ADGRL3: variants seen among roughly 807,000 people sequenced by gnomAD.
ADGRL3 encodes the protein calcium-independent alpha-latrotoxin receptor 3.
A neutral mutation model predicts 153.5 loss-of-function variants in ADGRL3; 62 were observed. The ratio of observed to expected loss-of-function variants is 0.40; its 90% CI spans 0.33 to 0.50. ADGRL3 has a LOEUF of 0.50. ADGRL3 is among the 20% of genes least tolerant of loss of function. The pLI is 0.47. For synonymous variants in ADGRL3, 710 were observed against 672.5 expected, an observed-to-expected ratio of 1.06 and a Z score of -0.86; for missense variants, 1,641 against 1,859.4, an observed-to-expected ratio of 0.88 and a Z score of 2.16.
intron 5 of ADGRL3, among the ~76,000 whole-genome samples, chr4:61,659,723 T>G (rs956504824): frequency 3.3e-5 from 5 of 152,058 alleles, no homozygotes; most frequent in Admixed American, 2.0e-4. Flanking sequence ...TTCATGCATA[T>G]CTATAAAATA....
intron 6 of ADGRL3, among the ~76,000 whole-genome samples, chr4:61,704,585 G>T (rs7667611): frequency 1.2e-4 from 18 of 151,940 alleles, no homozygotes; most frequent in Admixed American, 3.3e-4. Flanking sequence ...GAATGACTGT[G>T]GTAATTTCTT....
chr4:61,706,614 G>T (rs2095862517), intron 6 of ADGRL3, among the ~76,000 whole-genome samples: 1 of 151,962 alleles, frequency 6.6e-6, no homozygotes, highest in Non-Finnish European at 1.5e-5. Flanking sequence ...AACCTCATGA[G>T]CCAACTGTCT....
intron 13 of ADGRL3, among the ~76,000 whole-genome samples, chr4:61,914,921 C>G (rs2098738267): frequency 6.6e-6 from 1 of 152,004 alleles, no homozygotes; most frequent in African/African-American, 2.4e-5. Context: ...CTCATCAATT[C>G]TTATTACTTT....
intron 1 of ADGRL3, among the ~76,000 whole-genome samples, chr4:61,372,463 C>T (rs2096545748): frequency 6.6e-6 from 1 of 152,224 alleles, no homozygotes; most frequent in South Asian, 2.1e-4. Context: ...GGACCCTCAG[C>T]TGCAGGTCTG....
chr4:61,391,224 CAG>C (rs2096798045), intron 2 of ADGRL3, among the ~76,000 whole-genome samples: 1 of 152,090 alleles, frequency 6.6e-6, no homozygotes, highest in African/African-American at 2.4e-5. Context: ...CTGGGGGCCT[CAG>C]GGAATTTACT....
At chr4:61,881,074 A>T (rs890687524) in intron 9 of ADGRL3, among the ~76,000 whole-genome samples, 1 of 152,168 alleles carries the variant, frequency 6.6e-6, no homozygotes, top group African/African-American at 2.4e-5. Flanking sequence ...AAAAATCAAT[A>T]CTAAAATTTT....
At chr4:61,254,953 C>A (rs2091817042) in intron 1 of ADGRL3, among the ~76,000 whole-genome samples, 1 of 151,988 alleles carries the variant, frequency 6.6e-6, no homozygotes. Flanking sequence ...ATTCTTATGT[C>A]TTTTAATTTT....
chr4:61,367,233 T>A (rs952266366), intron 1 of ADGRL3, among the ~76,000 whole-genome samples: 7 of 152,046 alleles, frequency 4.6e-5, no homozygotes, highest in Non-Finnish European at 1.0e-4. Flanking sequence ...TGTCGCTTTT[T>A]TTTTTATTTT....
chr4:61,865,341 T>TG (rs34077031), intron 9 of ADGRL3, among the ~76,000 whole-genome samples: 1 of 152,050 alleles, frequency 6.6e-6, no homozygotes, highest in Non-Finnish European at 1.5e-5. Context: ...TTGAAGCTTG[T>TG]GGGGGTGTCA....
intron 4 of ADGRL3, among the ~76,000 whole-genome samples, chr4:61,568,857 A>C (rs1579585835): frequency 6.6e-6 from 1 of 151,960 alleles, no homozygotes; most frequent in East Asian, 1.9e-4. Flanking sequence ...CCTCAAATTT[A>C]ATCTAATCGT....
At chr4:61,403,990 A>T (rs896363534) in intron 2 of ADGRL3, among the ~76,000 whole-genome samples, 5 of 152,008 alleles carry the variant, frequency 3.3e-5, no homozygotes, top group Non-Finnish European at 7.4e-5. Context: ...TAGAGGCTTC[A>T]TCTTTAAATA....
intron 1 of ADGRL3, among the ~76,000 whole-genome samples, chr4:61,228,266 A>G (rs946075292): frequency 1.3e-5 from 2 of 152,168 alleles, no homozygotes; most frequent in Non-Finnish European, 2.9e-5. Flanking sequence ...TCTGAAGTAC[A>G]TTTTTGAATG....
intron 1 of ADGRL3, among the ~76,000 whole-genome samples, chr4:61,231,612 G>A (rs753306710): frequency 1.3e-5 from 2 of 152,024 alleles, no homozygotes; most frequent in Non-Finnish European, 2.9e-5. Flanking sequence ...TCTAGGTAAG[G>A]TTGTGCTTCT....
intron 25 of ADGRL3, among the ~76,000 whole-genome samples, chr4:62,063,159 G>A (rs1028439196): frequency 3.6e-4 from 54 of 151,812 alleles, no homozygotes; most frequent in African/African-American, 1.2e-3. Flanking sequence ...TTTGTGTTTT[G>A]TGTTTTGTTT....
intron 6 of ADGRL3, among the ~76,000 whole-genome samples, chr4:61,703,236 T>C (rs541271224): frequency 1.3e-5 from 2 of 152,262 alleles, no homozygotes; most frequent in Non-Finnish European, 2.9e-5. Flanking sequence ...TTACAGGCAG[T>C]AAATAAATTT....
At chr4:61,715,611 A>G (rs1479722382) in intron 6 of ADGRL3, among the ~76,000 whole-genome samples, 1 of 152,160 alleles carries the variant, frequency 6.6e-6, no homozygotes, top group Non-Finnish European at 1.5e-5. Flanking sequence ...AATGTGTCAT[A>G]ATAAAAATTC....
At chr4:61,770,941 C>A (rs1453307927) in intron 8 of ADGRL3, among the ~76,000 whole-genome samples, 1 of 152,090 alleles carries the variant, frequency 6.6e-6, no homozygotes, top group Non-Finnish European at 1.5e-5. Flanking sequence ...GATTTGGGTT[C>A]TTTTCTCACA....
chr4:61,576,728 A>G (rs1216444453), intron 4 of ADGRL3, among the ~76,000 whole-genome samples: 2 of 151,578 alleles, frequency 1.3e-5, no homozygotes, highest in Non-Finnish European at 2.9e-5. Flanking sequence ...TAACAAATAT[A>G]GTCTAGTGGA....
chr4:61,209,551 T>G (rs1738924990), intron 1 of ADGRL3, among the ~76,000 whole-genome samples: 1 of 152,148 alleles, frequency 6.6e-6, no homozygotes, highest in African/African-American at 2.4e-5. Context: ...TCAATAGCAT[T>G]TTCTTAAGTA....
Sources: gnomAD v4.1 joint callset for allele counts (sites outside exome capture counted in the v4.1 genomes callset) on GRCh38, gnomAD v4.1.1 for gene constraint, MANE v1.5 for transcripts, NCBI Gene and HGNC (gene_info 2026-07-23, HGNC 2026-07-21) for gene names.